FREM2: variants seen among roughly 807,000 people sequenced by gnomAD.
FREM2 encodes the protein FRAS1-related extracellular matrix protein 2.
FREM2 carries 119 observed loss-of-function variants against 219.9 expected under a neutral mutation model. That is an observed-to-expected ratio of 0.54 (90% CI 0.47 to 0.63). The LOEUF (loss-of-function observed/expected upper bound fraction) is 0.63. Among genes scored for constraint, FREM2 ranks in the 30% least tolerant of loss-of-function variants. FREM2 has a pLI of 0.00. For missense variants in FREM2, 4,030 were observed against 3,993.6 expected (o/e 1.01, Z -0.25); for synonymous variants, 1,562 against 1,522.8 (o/e 1.03, Z -0.60).
chr13:38,799,404 T>C (rs1042259930), intron 6 of FREM2, among the ~76,000 whole-genome samples: 1 of 152,102 alleles, frequency 6.6e-6, no homozygotes, highest in South Asian at 2.1e-4. Context: ...CTGAAGAATG[T>C]TCCATGTAAT....
intron 16 of FREM2, among the ~76,000 whole-genome samples, chr13:38,870,628 C>T (rs1030928376): frequency 6.6e-6 from 1 of 152,124 alleles, no homozygotes; most frequent in South Asian, 2.1e-4. Context: ...GGCTCCAGTT[C>T]CTCCAGGTAG....
At chr13:38,800,810 A>AG (rs1467093010) in intron 6 of FREM2, among the ~76,000 whole-genome samples, 1 of 152,092 alleles carries the variant, frequency 6.6e-6, no homozygotes, top group East Asian at 1.9e-4. Context: ...TTATATTTTT[A>AG]GTAGAAATGG....
chr13:38,869,282 A>G (rs1411189098), intron 16 of FREM2, among the ~76,000 whole-genome samples: 1 of 152,168 alleles, frequency 6.6e-6, no homozygotes, highest in Non-Finnish European at 1.5e-5. Flanking sequence ...CCCAATTTCG[A>G]TTATTTACCT....
chr13:38,866,939 G>A (rs1483568924), intron 16 of FREM2, among the ~76,000 whole-genome samples: 2 of 152,138 alleles, frequency 1.3e-5, no homozygotes, highest in Non-Finnish European at 2.9e-5. Context: ...CCTCTACTGT[G>A]TTCATTCTTC....
intron 4 of FREM2, among the ~76,000 whole-genome samples, chr13:38,774,015 T>C (rs1873775504): frequency 6.6e-6 from 1 of 151,054 alleles, no homozygotes; most frequent in African/African-American, 2.4e-5. Context: ...TATATTCAAA[T>C]ATATATATTG....
In FREM2 at chr13:38,813,464, TTCTCTCTCTCTC is replaced by T. The variant is rs1170570605; in HGVS notation, c.6019+28699_6019+28710del. ...GCAGCTTTATTATATGTTATTTGTT[TTCTCTCTCTCTC>T]TCTCTCTCTCTCTCTCTCTCTCTCT... is the stretch of plus-strand genomic sequence containing the variant. On this transcript the variant is annotated intron_variant, in intron 6 of 23. Transcript: ENST00000280481. 2.5e-3 allele frequency among the ~76,000 whole-genome samples: 151 copies of T among 60,442 alleles called. 16 individuals are homozygous for T. Among genetic ancestry groups the T allele is most frequent in the African/African-American group, 0.011 (150 of 13,996 alleles). The allele number at this position is 60,442 out of a possible 152,430, so 39.7% of individuals were successfully genotyped here.
At chr13:38,704,932 C>T (rs1027270653) in intron 2 of FREM2, among the ~76,000 whole-genome samples, 6 of 152,072 alleles carry the variant, frequency 3.9e-5, no homozygotes, top group Non-Finnish European at 8.8e-5. Context: ...ATCATGAGAA[C>T]CGCATGGGGG....
intron 6 of FREM2, among the ~76,000 whole-genome samples, chr13:38,816,277 A>G (rs1875760064): frequency 1.3e-5 from 2 of 152,166 alleles, no homozygotes; most frequent in African/African-American, 2.4e-5. Flanking sequence ...ATCACATAAC[A>G]ACAAAGAAAA....
rs1331839619 is a variant in FREM2 at position 38,769,758 on chromosome 13, C to G, written c.5591C>G (p.Ala1864Gly). The stretch of plus-strand genomic sequence containing the variant: ...GTACTCTCAGAGCCCGTGCTGGCTG[C>G]CTTGGAATTCCCCACAGTCGCCACT... Reference protein sequence around the residue: ...QVVLSEPVLAALEFPTVATVE... With the variant: ...QVVLSEPVLAGLEFPTVATVE... Residue 1864 changes from alanine to glycine, a missense_variant, in exon 4 of 24, where the codon GCC becomes GGC. Physicochemically the swap from Ala to Gly is moderately conservative, Grantham distance 60. Coordinates refer to ENST00000280481, the MANE Select transcript of FREM2 (RefSeq NM_207361.6). 6.2e-7 allele frequency: 1 copy of G among 1,614,096 alleles called. No homozygotes were observed. Among genetic ancestry groups the G allele is most frequent in the Non-Finnish European group, 8.5e-7 (1 of 1,179,990 alleles).
intron 2 of FREM2, among the ~76,000 whole-genome samples, chr13:38,708,140 G>A (rs1390291548): frequency 1.3e-5 from 2 of 152,156 alleles, no homozygotes; most frequent in African/African-American, 4.8e-5. Flanking sequence ...GTTAGCCATT[G>A]ACCCCCACTA....
In FREM2 at chr13:38,690,640, A is replaced by AT. The variant is rs760715972; in HGVS notation, c.3297dup (p.Asp1100Ter). The AT allele has an allele frequency of 6.8e-6, 11 of 1,613,720 alleles. No individual in the cohort carries two copies. Among genetic ancestry groups the AT allele is most frequent in the Non-Finnish European group, 9.3e-6 (11 of 1,179,916 alleles). ...AGTGCTGAAGATGTCGACTCCCTGA[A>AT]TGATGACATCTTGTGCACTATAGTT... On this transcript the variant is annotated frameshift_variant, in exon 1 of 24. Transcript: ENST00000280481. LOFTEE classifies it high-confidence loss of function.
chr13:38,843,012 A>G (rs988636732), intron 6 of FREM2, among the ~76,000 whole-genome samples: 5 of 152,222 alleles, frequency 3.3e-5, no homozygotes, highest in African/African-American at 1.2e-4. Flanking sequence ...CTCAAGGGAT[A>G]GAGTGTAGAG....
chr13:38,698,075 C>T (rs1177339982), intron 2 of FREM2, among the ~76,000 whole-genome samples: 2 of 152,158 alleles, frequency 1.3e-5, no homozygotes, highest in Non-Finnish European at 2.9e-5. Context: ...TCAGATTACA[C>T]CCTGCATGAG....
rs186128128 is a variant in FREM2 at position 38,883,612 on chromosome 13, A to G, written c.*2825A>G. The G allele has an allele frequency of 1.3e-5, 2 of 152,278 alleles. No homozygotes were observed. 9.4% of individuals were successfully genotyped at this position (152,278 alleles called of 1,614,324 possible). ...CCATTTTTGCCCTTAGTTAACATTT[A>G]CTGGTGCTCACCTAGGATTGGCTAT... On this transcript the variant is annotated 3_prime_UTR_variant, in exon 24 of 24. Coordinates refer to ENST00000280481, the MANE Select transcript of FREM2 (RefSeq NM_207361.6).
At chr13:38,697,439 C>A (rs1870157697) in intron 1 of FREM2, among the ~76,000 whole-genome samples, 1 of 152,140 alleles carries the variant, frequency 6.6e-6, no homozygotes, top group African/African-American at 2.4e-5. Flanking sequence ...ATGCAAATAC[C>A]ACTGGGAGGG....
At chr13:38,756,305 G>A (rs962786845) in intron 2 of FREM2, among the ~76,000 whole-genome samples, 4 of 152,078 alleles carry the variant, frequency 2.6e-5, no homozygotes, top group East Asian at 3.9e-4. Context: ...GTTTCTATGG[G>A]CCTCTGGTCA....
chr13:38,828,761 A>T (rs1331059352), intron 6 of FREM2, among the ~76,000 whole-genome samples: 1 of 152,054 alleles, frequency 6.6e-6, no homozygotes, highest in Non-Finnish European at 1.5e-5. Context: ...AGACTATATT[A>T]TGAAAAACTT....
intron 6 of FREM2, among the ~76,000 whole-genome samples, chr13:38,817,128 G>C (rs538134694): frequency 5.3e-5 from 8 of 152,070 alleles, no homozygotes; most frequent in Non-Finnish European, 4.4e-5. Context: ...TCATAAAATG[G>C]CCAAACTACT....
chr13:38,728,943 C>T (rs1270661021), intron 2 of FREM2, among the ~76,000 whole-genome samples: 3 of 152,174 alleles, frequency 2.0e-5, no homozygotes, highest in East Asian at 1.9e-4. Flanking sequence ...TCAAGCAATT[C>T]TCCTGCCTCA....
Sources: gnomAD v4.1 joint callset for allele counts (sites outside exome capture counted in the v4.1 genomes callset) on GRCh38, gnomAD v4.1.1 for gene constraint, MANE v1.5 for transcripts, NCBI Gene and HGNC (gene_info 2026-07-23, HGNC 2026-07-21) for gene names.